TENM2: variants seen among roughly 807,000 people sequenced by gnomAD.
TENM2 encodes teneurin-2.
Under a neutral mutation model 245.2 loss-of-function variants are expected in TENM2, and 52 were observed. The ratio of observed to expected loss-of-function variants is 0.21; its 90% CI spans 0.17 to 0.27. The LOEUF (loss-of-function observed/expected upper bound fraction) is 0.27, where lower values mean the gene tolerates loss of function less well. Ranked by LOEUF, TENM2 falls within the 10% of genes least tolerant of loss-of-function variation. The pLI is 1.00. For missense variants in TENM2, 3,046 were observed against 3,666.8 expected, an observed-to-expected ratio of 0.83 and a Z score of 4.37; for synonymous variants, 1,363 against 1,438.9, an observed-to-expected ratio of 0.95 and a Z score of 1.19.
At chr5:167,851,916 A>G (rs1263828963) in intron 2 of TENM2, among the ~76,000 whole-genome samples, 1 of 152,192 alleles carries the variant, frequency 6.6e-6, no homozygotes, top group African/African-American at 2.4e-5. Flanking sequence ...AATTTATCCT[A>G]TAATTTTTTT....
At chr5:167,511,239 A>G (rs1769933190) in intron 2 of TENM2, among the ~76,000 whole-genome samples, 1 of 152,194 alleles carries the variant, frequency 6.6e-6, no homozygotes, top group Non-Finnish European at 1.5e-5. Flanking sequence ...GAGGACAGAT[A>G]AAAGACTGGG....
chr5:167,658,493 G>GA (rs1315362523), intron 2 of TENM2, among the ~76,000 whole-genome samples: 2 of 151,956 alleles, frequency 1.3e-5, no homozygotes, highest in African/African-American at 4.8e-5. Flanking sequence ...CTTTTATCAA[G>GA]ATCTTAATCC....
intron 2 of TENM2, among the ~76,000 whole-genome samples, chr5:167,411,276 A>T (rs903778499): frequency 3.3e-5 from 5 of 152,134 alleles, no homozygotes; most frequent in Admixed American, 1.3e-4. Flanking sequence ...ACTTACATAA[A>T]TGTGGCTATT....
At chr5:168,236,536 C>G (rs1765438513) in intron 25 of TENM2, among the ~76,000 whole-genome samples, 1 of 152,176 alleles carries the variant, frequency 6.6e-6, no homozygotes, top group Non-Finnish European at 1.5e-5. Flanking sequence ...GCAGCGCTTT[C>G]TCTGGGAAAT....
At chr5:167,180,262 A>G in the TENM2 span, among the ~76,000 whole-genome samples, 1 of 151,898 alleles carries the variant, frequency 6.6e-6, no homozygotes, top group Non-Finnish European at 1.5e-5. Context: ...GGCATGTGCC[A>G]CCACACGGGG....
chr5:167,060,589 T>C, the TENM2 span, among the ~76,000 whole-genome samples: 17 of 149,146 alleles, frequency 1.1e-4, 1 homozygote, highest in African/African-American at 3.7e-4. Context: ...AGGTGGAGAT[T>C]ATAGTGAGCC....
intron 3 of TENM2, among the ~76,000 whole-genome samples, chr5:167,883,457 G>C (rs186678902): frequency 1.2e-4 from 19 of 152,344 alleles, no homozygotes; most frequent in East Asian, 1.9e-4. Flanking sequence ...ACTAGGGTCA[G>C]GACCACTCTT....
chr5:167,751,385 C>T (rs991198147), intron 2 of TENM2, among the ~76,000 whole-genome samples: 2 of 152,160 alleles, frequency 1.3e-5, no homozygotes, highest in African/African-American at 4.8e-5. Context: ...GAGGTTGTCA[C>T]ACTGCAAGAT....
chr5:167,011,651 G>C, the TENM2 span, among the ~76,000 whole-genome samples: 14 of 152,262 alleles, frequency 9.2e-5, no homozygotes, highest in East Asian at 2.5e-3. Flanking sequence ...GCTAATGTTT[G>C]GGAGTACCCC....
At chr5:167,746,040 G>T (rs1271869453) in intron 2 of TENM2, among the ~76,000 whole-genome samples, 1 of 152,028 alleles carries the variant, frequency 6.6e-6, no homozygotes, top group Non-Finnish European at 1.5e-5. Context: ...CACTTTAAAC[G>T]TATTATTTCC....
chr5:167,204,193 G>C, the TENM2 span, among the ~76,000 whole-genome samples: 3 of 150,086 alleles, frequency 2.0e-5, no homozygotes, highest in African/African-American at 7.3e-5. Context: ...GGAAATGAAA[G>C]AAATAAGGGG....
intron 2 of TENM2, among the ~76,000 whole-genome samples, chr5:167,663,367 G>A (rs928550672): frequency 2.0e-5 from 3 of 152,072 alleles, no homozygotes; most frequent in African/African-American, 7.2e-5. Context: ...ACAATTCTAG[G>A]TTGCTATTTA....
At chr5:167,219,352 AAAAC>A in the TENM2 span, among the ~76,000 whole-genome samples, 4 of 96,516 alleles carry the variant, frequency 4.1e-5, no homozygotes, top group African/African-American at 2.2e-4. Flanking sequence ...CCAACCAAAC[AAAAC>A]AAACAAAACG....
chr5:167,041,533 G>A, the TENM2 span, among the ~76,000 whole-genome samples: 1 of 152,160 alleles, frequency 6.6e-6, no homozygotes, highest in Non-Finnish European at 1.5e-5. Flanking sequence ...AGTGTCCAGA[G>A]TCCTAGGAAA....
At chr5:167,545,235 T>A (rs1053899004) in intron 2 of TENM2, among the ~76,000 whole-genome samples, 3 of 152,178 alleles carry the variant, frequency 2.0e-5, no homozygotes, top group African/African-American at 7.2e-5. Context: ...GTCCTAAAGC[T>A]TACACGAGGT....
the TENM2 span, among the ~76,000 whole-genome samples, chr5:167,171,830 G>T: frequency 6.6e-6 from 1 of 152,162 alleles, no homozygotes; most frequent in Non-Finnish European, 1.5e-5. Flanking sequence ...TCCACAGGGT[G>T]CGTGAAGCTA....
intron 2 of TENM2, among the ~76,000 whole-genome samples, chr5:167,667,872 A>G (rs1755673525): frequency 6.6e-6 from 1 of 152,204 alleles, no homozygotes; most frequent in African/African-American, 2.4e-5. Flanking sequence ...TACATATCTC[A>G]GTTTCTCTGT....
chr5:167,289,646 A>C (rs1041882159), intron 1 of TENM2, among the ~76,000 whole-genome samples: 1 of 152,242 alleles, frequency 6.6e-6, no homozygotes, highest in South Asian at 2.1e-4. Flanking sequence ...TCTTGCTCCT[A>C]TGATCTTTAA....
At chr5:167,203,030 T>C in the TENM2 span, among the ~76,000 whole-genome samples, 3 of 152,188 alleles carry the variant, frequency 2.0e-5, no homozygotes, top group Non-Finnish European at 4.4e-5. Flanking sequence ...ATACACATCT[T>C]ACCTATAAAG....
Sources: gnomAD v4.1 joint callset for allele counts (sites outside exome capture counted in the v4.1 genomes callset) on GRCh38, gnomAD v4.1.1 for gene constraint, MANE v1.5 for transcripts, NCBI Gene and HGNC (gene_info 2026-07-23, HGNC 2026-07-21) for gene names.